Variants in NRXN3 observed in about 807,000 individuals in gnomAD.
NRXN3 encodes the protein neurexin 3.
NRXN3 carries 32 observed loss-of-function variants against 137.6 expected under a neutral mutation model. That is an observed-to-expected ratio of 0.23 (90% CI 0.18 to 0.31). The LOEUF is 0.31. NRXN3 is among the 10% of genes least tolerant of loss of function. The probability of loss-of-function intolerance (pLI) is 1.00; values close to 1 mark genes in which losing one functional copy is unlikely to be tolerated. For missense variants in NRXN3, 1,574 were observed against 2,062.5 expected, an observed-to-expected ratio of 0.76 and a Z score of 4.59; for synonymous variants, 798 against 784.5, an observed-to-expected ratio of 1.02 and a Z score of -0.29.
chr14:79,645,163 T>C (rs1446958813), intron 16 of NRXN3, among the ~76,000 whole-genome samples: 1 of 135,116 alleles, frequency 7.4e-6, no homozygotes, highest in Non-Finnish European at 1.7e-5. Context: ...ATTCCATATT[T>C]TTTTTGTCCT....
intron 16 of NRXN3, among the ~76,000 whole-genome samples, chr14:79,507,750 A>G (rs1019308347): frequency 6.6e-6 from 1 of 152,182 alleles, no homozygotes; most frequent in African/African-American, 2.4e-5. Context: ...TATAGATGAG[A>G]TCTTTCTTTT....
intron 20 of NRXN3, chr14:79,853,674 T>C: frequency 7.7e-7 from 1 of 1,298,800 alleles, no homozygotes; most frequent in Non-Finnish European, 1.0e-6. Flanking sequence ...TCCTGCATCT[T>C]TCCTTCCCAT....
At chr14:79,483,414 G>A (rs141797966) in intron 16 of NRXN3, among the ~76,000 whole-genome samples, 72 of 152,290 alleles carry the variant, frequency 4.7e-4, no homozygotes, top group African/African-American at 1.6e-3. Context: ...AAAAGTGTTT[G>A]GTATAAATTA....
chr14:79,847,230 A>G (rs2099379461), intron 20 of NRXN3, among the ~76,000 whole-genome samples: 1 of 152,148 alleles, frequency 6.6e-6, no homozygotes, highest in Admixed American at 6.5e-5. Context: ...CATCATTACT[A>G]CTTCCTTCCA....
At chr14:78,926,514 G>T (rs2152840637) in intron 10 of NRXN3, among the ~76,000 whole-genome samples, 1 of 142,452 alleles carries the variant, frequency 7.0e-6, no homozygotes, top group South Asian at 2.1e-4. Flanking sequence ...GCCAAGGTAG[G>T]TTCATCACTT....
intron 10 of NRXN3, among the ~76,000 whole-genome samples, chr14:78,904,969 C>G (rs1366523830): frequency 6.6e-6 from 1 of 151,990 alleles, no homozygotes; most frequent in African/African-American, 2.4e-5. Flanking sequence ...CATTATTTTC[C>G]TCTTTCAACA....
rs78175769 is a variant in NRXN3, at chr14:78,545,237, G to A, written c.758-99883G>A. 5.9e-3 allele frequency among the ~76,000 whole-genome samples: 903 copies of A among 152,240 alleles called. 46 individuals are homozygous for A. The East Asian group carries it at 0.097, about 16-fold the overall frequency. ...TGCTCTGAGGTCAAAAGGAAACATAGGAAGGTGGTTTCTGAGGGCAAGACC... is the reference window on the plus strand; with the variant it reads ...TGCTCTGAGGTCAAAAGGAAACATAAGAAGGTGGTTTCTGAGGGCAAGACC... On this transcript the variant is annotated intron_variant, in intron 4 of 20. Coordinates refer to ENST00000335750, the MANE Select transcript of NRXN3 (RefSeq NM_001330195.2).
At chr14:78,178,164 T>C (rs945540520) in intron 1 of NRXN3, among the ~76,000 whole-genome samples, 12 of 152,240 alleles carry the variant, frequency 7.9e-5, no homozygotes, top group African/African-American at 2.7e-4. Flanking sequence ...AGGGCCTGGC[T>C]CTGCTCTGAA....
intron 8 of NRXN3, among the ~76,000 whole-genome samples, chr14:78,794,368 C>A (rs774510663): frequency 6.6e-6 from 1 of 152,042 alleles, no homozygotes; most frequent in Non-Finnish European, 1.5e-5. Flanking sequence ...GGTGACAGAG[C>A]GACAGAGCAA....
chr14:79,234,301 T>A (rs1217390899), intron 15 of NRXN3, among the ~76,000 whole-genome samples: 2 of 18,430 alleles, frequency 1.1e-4, no homozygotes, highest in Non-Finnish European at 2.5e-4. Flanking sequence ...TAAATATATA[T>A]ATATATATAT....
intron 15 of NRXN3, among the ~76,000 whole-genome samples, chr14:79,406,291 CT>C (rs1180981670): frequency 6.7e-6 from 1 of 149,796 alleles, no homozygotes; most frequent in Non-Finnish European, 1.5e-5. Context: ...CTCTTCTCCC[CT>C]CCTCTCCTCT....
intron 15 of NRXN3, among the ~76,000 whole-genome samples, chr14:79,342,868 G>A (rs2092682140): frequency 6.6e-6 from 1 of 152,194 alleles, no homozygotes; most frequent in African/African-American, 2.4e-5. Flanking sequence ...TTCATGCAGA[G>A]CCGGCTATGC....
At chr14:79,112,377 T>G (rs982653976) in intron 15 of NRXN3, among the ~76,000 whole-genome samples, 2 of 152,230 alleles carry the variant, frequency 1.3e-5, no homozygotes, top group Non-Finnish European at 2.9e-5. Flanking sequence ...CATTCACTTG[T>G]ACATCAGCCT....
chr14:78,525,026 C>T (rs1210735176), intron 4 of NRXN3, among the ~76,000 whole-genome samples: 1 of 152,202 alleles, frequency 6.6e-6, no homozygotes, highest in African/African-American at 2.4e-5. Context: ...TTTATCTGAT[C>T]TACTTCTCTG....
intron 15 of NRXN3, among the ~76,000 whole-genome samples, chr14:79,140,559 A>T (rs2058691020): frequency 7.1e-6 from 1 of 140,826 alleles, no homozygotes. Flanking sequence ...AATTGTTATT[A>T]TCACCCCACC....
At chr14:79,663,715 A>C in intron 16 of NRXN3, 63 bp from the exon 17 acceptor site, 1 of 1,470,394 alleles carries the variant, frequency 6.8e-7, no homozygotes, top group Non-Finnish European at 9.3e-7. Context: ...TGGAGGATCA[A>C]GTTTAAAGGG....
At chr14:79,238,142 T>G (rs2153326710) in intron 15 of NRXN3, among the ~76,000 whole-genome samples, 1 of 152,236 alleles carries the variant, frequency 6.6e-6, no homozygotes, top group South Asian at 2.1e-4. Context: ...GGTCCTGGAC[T>G]TACAAGCGGG....
intron 16 of NRXN3, among the ~76,000 whole-genome samples, chr14:79,607,498 G>GA (rs1368183792): frequency 2.6e-5 from 4 of 152,186 alleles, no homozygotes; most frequent in Non-Finnish European, 5.9e-5. Flanking sequence ...AGGAAGCAGA[G>GA]AAATTCAGTA....
intron 6 of NRXN3, among the ~76,000 whole-genome samples, chr14:78,661,573 G>A (rs2097842100): frequency 6.6e-6 from 1 of 152,164 alleles, no homozygotes; most frequent in African/African-American, 2.4e-5. Flanking sequence ...GACAGAAAAT[G>A]GTAGAAATTG....
Sources: gnomAD v4.1 joint callset for allele counts (sites outside exome capture counted in the v4.1 genomes callset) on GRCh38, gnomAD v4.1.1 for gene constraint, MANE v1.5 for transcripts, NCBI Gene and HGNC (gene_info 2026-07-23, HGNC 2026-07-21) for gene names.